PLEKHA4: variants seen among roughly 807,000 people sequenced by gnomAD.
PLEKHA4 encodes pleckstrin homology domain containing A4, also known as pleckstrin homology domain-containing family A member 4.
Under a neutral mutation model 94.7 loss-of-function variants are expected in PLEKHA4, and 73 were observed. The observed-to-expected ratio is 0.77, with a 90% CI of 0.64 to 0.94. The LOEUF (loss-of-function observed/expected upper bound fraction) is 0.94. Among genes scored for constraint, PLEKHA4 ranks in the 40% least tolerant of loss-of-function variants. PLEKHA4 has a pLI of 0.00. For synonymous variants in PLEKHA4, 449 were observed against 437.1 expected, an observed-to-expected ratio of 1.03 and a Z score of -0.34; for missense variants, 1,049 against 1,054.1, an observed-to-expected ratio of 1.00 and a Z score of 0.07.
intron 9 of PLEKHA4, among the ~76,000 whole-genome samples, chr19:48,855,579 G>A (rs545316040): frequency 3.4e-4 from 52 of 151,672 alleles, no homozygotes; most frequent in Non-Finnish European, 6.5e-4. Context: ...ACTCCAGCCC[G>A]GGTGACAGAG....
intron 14 of PLEKHA4, among the ~76,000 whole-genome samples, chr19:48,846,947 G>A (rs2035991484): frequency 6.6e-6 from 1 of 152,060 alleles, no homozygotes; most frequent in Non-Finnish European, 1.5e-5. Flanking sequence ...TGCAATCTTG[G>A]TTCAGCTTAC....
At chr19:48,854,155 A>C (rs1599899995) in intron 10 of PLEKHA4, 62 bp downstream of exon 10, 1 of 1,612,688 alleles carries the variant, frequency 6.2e-7, no homozygotes, top group Non-Finnish European at 8.5e-7. Context: ...TCCTCCCATC[A>C]TCTAGAACAT....
rs995076816 is a variant in PLEKHA4 at position 48,852,243 on chromosome 19, G to A, written c.1410C>T (p.His470=). The A allele has an allele frequency of 6.2e-7, 1 of 1,613,890 alleles. No homozygotes were observed. Among genetic ancestry groups the A allele is most frequent in the Non-Finnish European group, 8.5e-7 (1 of 1,179,852 alleles). Residue 470 remains histidine (H), a synonymous_variant, in exon 13 of 20, where the codon CAC becomes CAT. Coordinates refer to ENST00000263265, the MANE Select transcript of PLEKHA4 (RefSeq NM_020904.3). ...AGCGATTTACCTGGGGAGAACCAAG[G>A]TGCAGCAGGTACTCCAGCGTCTCTC... is the stretch of plus-strand genomic sequence containing the variant. ...TLRETLEYLL[H]LGSPQDRVSA...
intron 13 of PLEKHA4, among the ~76,000 whole-genome samples, chr19:48,850,340 C>G (rs955688003): frequency 6.6e-6 from 1 of 151,590 alleles, no homozygotes; most frequent in African/African-American, 2.4e-5. Context: ...CCCATCTCTA[C>G]TAAAAATACA....
intron 18 of PLEKHA4, among the ~76,000 whole-genome samples, 170 bp downstream of exon 18, chr19:48,839,035 C>A (rs1040130889): frequency 6.6e-6 from 1 of 152,132 alleles, no homozygotes; most frequent in South Asian, 2.1e-4. Context: ...GATATCACTA[C>A]GGATCTAGGG....
rs1346883491 is a variant in PLEKHA4 at position 48,867,032 on chromosome 19, T to G, written c.84+505A>C. On this transcript the variant is annotated intron_variant, in intron 2 of 19. Coordinates refer to ENST00000263265, the MANE Select transcript of PLEKHA4 (RefSeq NM_020904.3). The surrounding 1 kb of genome is among the most constrained non-coding windows in gnomAD (Gnocchi z 4.7). ...AGATCAGATCTCTGGGCTCTGAACT[T>G]GAGAAACAATATGTGTGGAACGGCA... Among the ~76,000 whole-genome samples, 1 of 152,078 alleles carries G rather than the reference T, an allele frequency of 6.6e-6. No homozygotes were observed.
intron 17 of PLEKHA4, among the ~76,000 whole-genome samples, chr19:48,839,652 T>C (rs2035676078): frequency 6.6e-6 from 1 of 151,924 alleles, no homozygotes; most frequent in Non-Finnish European, 1.5e-5. Flanking sequence ...TACTCCTGCC[T>C]CGGCCTCCCA....
chr19:48,845,440 C>T lies in PLEKHA4; in HGVS notation c.1673G>A (p.Gly558Glu), dbSNP rs756669954. 1.9e-6 allele frequency: 3 copies of T among 1,613,986 alleles called. No homozygotes were observed. Among genetic ancestry groups the T allele is most frequent in the Non-Finnish European group, 2.5e-6 (3 of 1,180,008 alleles). ...GGAAGCCCGGGAGACCCTCGGAGAC[C>T]CAAGACCTGGAAAGACAGAACGGGA... ...KDLASPHLGL[G>E]SPRVSRASSP... Residue 558 changes from glycine to glutamate, a missense_variant, in exon 16 of 20, where the codon GGG becomes GAG. Physicochemically the swap from Gly to Glu is moderately conservative, Grantham distance 98. Transcript: ENST00000263265.
chr19:48,848,623 T>G (rs1385344633), intron 13 of PLEKHA4, among the ~76,000 whole-genome samples: 3 of 151,388 alleles, frequency 2.0e-5, no homozygotes, highest in Non-Finnish European at 4.4e-5. Flanking sequence ...TGAACCCTCG[T>G]GTCTACTAAA....
chr19:48,857,398 T>G, intron 9 of PLEKHA4, 24 bp downstream of exon 9: 1 of 1,289,666 alleles, frequency 7.8e-7, no homozygotes, highest in Non-Finnish European at 1.1e-6. Flanking sequence ...CTCCGGTAGA[T>G]TTAGGGTACT....
intron 6 of PLEKHA4, chr19:48,859,900 C>T (rs1599921890): frequency 1.7e-6 from 1 of 605,606 alleles, no homozygotes; most frequent in Non-Finnish European, 2.9e-6. Flanking sequence ...GGACCCAATG[C>T]CCCGGAATAT....
At chr19:48,846,012 A>G (rs1029064393) in intron 14 of PLEKHA4, among the ~76,000 whole-genome samples, 33 of 138,530 alleles carry the variant, frequency 2.4e-4, no homozygotes, top group South Asian at 1.1e-3. Flanking sequence ...CTCTGCCTCA[A>G]AAAAAAAAAA....
chr19:48,856,595 G>T (rs1362432279), intron 9 of PLEKHA4, among the ~76,000 whole-genome samples: 3 of 152,102 alleles, frequency 2.0e-5, no homozygotes, highest in Non-Finnish European at 4.4e-5. Context: ...GCACGTGCCT[G>T]TAATCCCAGC....
intron 3 of PLEKHA4, among the ~76,000 whole-genome samples, chr19:48,862,314 C>G (rs2036673522): frequency 6.6e-6 from 1 of 150,626 alleles, no homozygotes; most frequent in African/African-American, 2.4e-5. Context: ...GATTCTCCTG[C>G]CTCAGCCTCC....
Position 48,852,224 on chromosome 19 carries a change from T to G in PLEKHA4, c.1425+4A>C. 6.2e-7 allele frequency: 1 copy of G among 1,612,620 alleles called. No homozygotes were observed. Among genetic ancestry groups the G allele is most frequent in the Non-Finnish European group, 8.5e-7 (1 of 1,178,714 alleles). Reference sequence around the variant, plus strand: ...GGTCTTGGGGTCTCCAAGCAGCGATTTACCTGGGGAGAACCAAGGTGCAGC... The same window carrying G: ...GGTCTTGGGGTCTCCAAGCAGCGATGTACCTGGGGAGAACCAAGGTGCAGC... On this transcript the variant is annotated splice_donor_region_variant and intron_variant, in intron 13 of 19. Coordinates refer to ENST00000263265, the MANE Select transcript of PLEKHA4 (RefSeq NM_020904.3).
At chr19:48,845,470 G>T (rs770848898) in intron 15 of PLEKHA4, 24 bp from the exon 16 acceptor site, 10 of 1,613,846 alleles carry the variant, frequency 6.2e-6, no homozygotes, top group Non-Finnish European at 8.5e-6. Context: ...ACGGGACTTG[G>T]TGAGGACGGG....
At chr19:48,849,976 G>C (rs2036117725) in intron 13 of PLEKHA4, among the ~76,000 whole-genome samples, 1 of 152,134 alleles carries the variant, frequency 6.6e-6, no homozygotes, top group Non-Finnish European at 1.5e-5. Flanking sequence ...ACTTTGGGAG[G>C]CCGAGGCAGG....
At chr19:48,851,530 C>T (rs1315817682) in intron 13 of PLEKHA4, among the ~76,000 whole-genome samples, 1 of 151,928 alleles carries the variant, frequency 6.6e-6, no homozygotes, top group Non-Finnish European at 1.5e-5. Context: ...GTGGGTGAAT[C>T]GCTTGAGCCC....
At chr19:48,861,799 A>T in intron 3 of PLEKHA4, 107 bp from the exon 4 acceptor site, 1 of 976,754 alleles carries the variant, frequency 1.0e-6, no homozygotes, top group South Asian at 1.4e-5. Flanking sequence ...AAACTTGGAG[A>T]GAGGAGAACA....
Sources: gnomAD v4.1 joint callset for allele counts (sites outside exome capture counted in the v4.1 genomes callset) on GRCh38, gnomAD v4.1.1 for gene constraint, Gnocchi (gnomAD v3.1) non-coding constraint, MANE v1.5 for transcripts, NCBI Gene and HGNC (gene_info 2026-07-23, HGNC 2026-07-21) for gene names.